The following SH3D19 variants were observed in gnomAD, a reference collection of about 807,000 sequenced individuals.
SH3D19 encodes the protein SH3 domain-containing protein 19.
SH3D19 carries 58 observed loss-of-function variants against 112.1 expected under a neutral mutation model. The observed-to-expected ratio is 0.52, with a 90% CI of 0.42 to 0.64. The LOEUF (loss-of-function observed/expected upper bound fraction) is 0.64, where lower values mean the gene tolerates loss of function less well. Among genes scored for constraint, SH3D19 ranks in the 30% least tolerant of loss-of-function variants. SH3D19 has a pLI of 0.00. For missense variants in SH3D19, 1,090 were observed against 1,263.4 expected (o/e 0.86, Z 2.08); for synonymous variants, 391 against 448.5 (o/e 0.87, Z 1.62).
intron 17 of SH3D19, among the ~76,000 whole-genome samples, chr4:151,131,627 C>T (rs553619047): frequency 2.6e-5 from 4 of 151,834 alleles, no homozygotes; most frequent in Admixed American, 6.6e-5. Flanking sequence ...GCTGGGAATA[C>T]GCGCGCTGGT....
At chr4:151,320,582 G>C (rs1388038203) in intron 1 of SH3D19, among the ~76,000 whole-genome samples, 1 of 152,046 alleles carries the variant, frequency 6.6e-6, no homozygotes, top group Non-Finnish European at 1.5e-5. Context: ...AGAAACCATA[G>C]AGAAAATGAA....
intron 1 of SH3D19, among the ~76,000 whole-genome samples, chr4:151,287,578 C>G (rs1452943932): frequency 6.6e-6 from 1 of 152,128 alleles, no homozygotes; most frequent in African/African-American, 2.4e-5. Flanking sequence ...AAAATCCAAA[C>G]TGGGGGTAAT....
At chr4:151,251,854 T>A (rs1420498833) in intron 1 of SH3D19, among the ~76,000 whole-genome samples, 1 of 152,196 alleles carries the variant, frequency 6.6e-6, no homozygotes, top group Non-Finnish European at 1.5e-5. Context: ...TTTTCTTAGT[T>A]CATTCATCTC....
intron 2 of SH3D19, among the ~76,000 whole-genome samples, chr4:151,217,519 G>C (rs902649287): frequency 1.1e-4 from 17 of 152,094 alleles, no homozygotes; most frequent in African/African-American, 3.9e-4. Context: ...GCCACATTAT[G>C]GGGAGGGAAG....
chr4:151,168,029 A>G (rs1158392864), intron 7 of SH3D19, among the ~76,000 whole-genome samples: 5 of 152,372 alleles, frequency 3.3e-5, no homozygotes, highest in Middle Eastern at 3.4e-3. Flanking sequence ...TAAAAAAACA[A>G]AACAAAACAA....
At chr4:151,127,058 T>C (rs951293160) in intron 19 of SH3D19, among the ~76,000 whole-genome samples, 1 of 151,634 alleles carries the variant, frequency 6.6e-6, no homozygotes, top group Non-Finnish European at 1.5e-5. Context: ...TACAGGCGCC[T>C]GCCACCATGC....
intron 19 of SH3D19, among the ~76,000 whole-genome samples, chr4:151,125,492 C>CAAAAAAAA: frequency 8.3e-6 from 1 of 119,964 alleles, no homozygotes; most frequent in Non-Finnish European, 1.6e-5. Flanking sequence ...AAAACAAAAC[C>CAAAAAAAA]AAAAAAAAAA....
At chr4:151,255,949 G>A (rs1771867827) in intron 1 of SH3D19, among the ~76,000 whole-genome samples, 1 of 149,924 alleles carries the variant, frequency 6.7e-6, no homozygotes, top group Non-Finnish European at 1.5e-5. Flanking sequence ...GTTGCAGTGA[G>A]CTGAGATGGC....
chr4:151,178,635 A>G (rs1283669206), intron 4 of SH3D19, among the ~76,000 whole-genome samples: 1 of 152,224 alleles, frequency 6.6e-6, no homozygotes, highest in Non-Finnish European at 1.5e-5. Context: ...GCAGCTTGTC[A>G]TCCAAGGTCA....
intron 2 of SH3D19, among the ~76,000 whole-genome samples, chr4:151,198,438 T>A (rs533936490): frequency 0.017 from 2,423 of 140,292 alleles, 30 homozygotes; most frequent in Non-Finnish European, 0.027. Flanking sequence ...TTATATAAAA[T>A]ATATATAAAA....
chr4:151,160,270 G>T (rs1756919368), intron 8 of SH3D19, among the ~76,000 whole-genome samples: 1 of 151,866 alleles, frequency 6.6e-6, no homozygotes, highest in African/African-American at 2.4e-5. Context: ...TGTATTTTTA[G>T]TAGAGACGGG....
chr4:151,126,519 G>T (rs1274014218), intron 19 of SH3D19, among the ~76,000 whole-genome samples: 1 of 151,982 alleles, frequency 6.6e-6, no homozygotes, highest in Admixed American at 6.6e-5. Flanking sequence ...CTTTTGGCCG[G>T]GCGCGGTGGC....
At chr4:151,198,261 C>T (rs1332930132) in intron 2 of SH3D19, among the ~76,000 whole-genome samples, 7 of 147,934 alleles carry the variant, frequency 4.7e-5, no homozygotes, top group Non-Finnish European at 8.9e-5. Flanking sequence ...GCTGAGATCA[C>T]ACCACTGCAC....
chr4:151,210,680 C>T (rs1765827771), intron 2 of SH3D19, among the ~76,000 whole-genome samples: 2 of 151,926 alleles, frequency 1.3e-5, no homozygotes, highest in Admixed American at 1.3e-4. Flanking sequence ...GGATTACAGG[C>T]GTGAGCCACT....
chr4:151,162,567 C>G (rs1757335485), intron 8 of SH3D19, among the ~76,000 whole-genome samples: 2 of 150,970 alleles, frequency 1.3e-5, no homozygotes, highest in Non-Finnish European at 2.9e-5. Flanking sequence ...GAAACTTTAT[C>G]CCTAGAAAGT....
chr4:151,312,198 A>G (rs1192218286), intron 1 of SH3D19, among the ~76,000 whole-genome samples: 1 of 152,126 alleles, frequency 6.6e-6, no homozygotes, highest in Non-Finnish European at 1.5e-5. Flanking sequence ...CACAAAGCTG[A>G]AAAAGGGGGA....
At chr4:151,177,002 T>C (rs1478586572) in intron 4 of SH3D19, 47 bp from the exon 5 acceptor site, 10 of 1,229,374 alleles carry the variant, frequency 8.1e-6, no homozygotes, top group Middle Eastern at 3.1e-4. Context: ...GGTAACAAGC[T>C]ATTGTCTATC....
chr4:151,133,011 TA>T (rs752770002), intron 16 of SH3D19, 22 bp downstream of exon 16: 8 of 1,588,486 alleles, frequency 5.0e-6, no homozygotes, highest in Admixed American at 1.7e-5. Flanking sequence ...CATAACATAA[TA>T]AAAAAAATTC....
intron 1 of SH3D19, among the ~76,000 whole-genome samples, chr4:151,318,019 C>T (rs1477469567): frequency 1.3e-4 from 19 of 148,492 alleles, no homozygotes; most frequent in Non-Finnish European, 2.5e-4. Flanking sequence ...AAAGATAGGC[C>T]GGGTGCAGTG....
Sources: allele counts gnomAD v4.1 joint callset (sites outside exome capture counted in the v4.1 genomes callset), GRCh38; gene constraint gnomAD v4.1.1; transcripts MANE v1.5; gene names NCBI Gene and HGNC (gene_info 2026-07-23, HGNC 2026-07-21).